The following STMN2 variants were observed in gnomAD, a reference collection of about 807,000 sequenced individuals.
STMN2 encodes stathmin-2.
A neutral mutation model predicts 24.1 loss-of-function variants in STMN2; 2 were observed. The ratio of observed to expected loss-of-function variants is 0.08; its 90% CI spans 0.03 to 0.26. STMN2 has a LOEUF of 0.26. Among genes scored for constraint, STMN2 ranks in the 10% least tolerant of loss-of-function variants. The probability of loss-of-function intolerance (pLI) is 1.00; values close to 1 mark genes in which losing one functional copy is unlikely to be tolerated. For synonymous variants in STMN2, 83 were observed against 77.5 expected, an observed-to-expected ratio of 1.07 and a Z score of -0.37; for missense variants, 114 against 213.6, an observed-to-expected ratio of 0.53 and a Z score of 2.91.
At chr8:79,641,669 C>CACAT in intron 3 of STMN2, 119 bp downstream of exon 3, 2 of 739,460 alleles carry the variant, frequency 2.7e-6, no homozygotes, top group Non-Finnish European at 4.1e-6. Flanking sequence ...CACACACACA[C>CACAT]ACATACAGAG....
At chr8:79,635,451 T>G (rs527345305) in intron 1 of STMN2, among the ~76,000 whole-genome samples, 1 of 152,326 alleles carries the variant, frequency 6.6e-6, no homozygotes, top group African/African-American at 2.4e-5. Context: ...AAGACACATG[T>G]GCTTGTATGT....
rs1806586932 is a variant in STMN2, at chr8:79,665,920, C to T, written c.*1046C>T. The T allele has an allele frequency of 6.6e-6, 1 of 152,210 alleles. No individual in the cohort carries two copies. The highest frequency in any genetic ancestry group is 2.4e-5 in the African/African-American group (1 of 41,430). 9.4% of individuals were successfully genotyped at this position (152,210 alleles called of 1,614,324 possible). A position where few individuals can be genotyped will look rare whatever the true frequency, so the allele number is the denominator to read the frequency against. ...CAATCCTGCCTACTAACAACACCAA[C>T]AACAAAACACTCCATCTGTGAAGCT... is the stretch of plus-strand genomic sequence containing the variant. On this transcript the variant is annotated 3_prime_UTR_variant, in exon 5 of 5. Transcript: ENST00000220876.
intron 1 of STMN2, among the ~76,000 whole-genome samples, chr8:79,612,557 CA>C (rs569956244): frequency 8.1e-4 from 124 of 152,312 alleles, no homozygotes; most frequent in African/African-American, 3.0e-3. Flanking sequence ...AGTGGAGACA[CA>C]GGATGACCGG....
At chr8:79,653,029 G>T (rs1478657226) in intron 3 of STMN2, among the ~76,000 whole-genome samples, 1 of 152,016 alleles carries the variant, frequency 6.6e-6, no homozygotes, top group Non-Finnish European at 1.5e-5. Context: ...TATTATTTTT[G>T]TATTGGTTTT....
At chr8:79,636,630 T>G (rs1809965924) in intron 1 of STMN2, among the ~76,000 whole-genome samples, 172 bp from the exon 2 acceptor site, 1 of 152,240 alleles carries the variant, frequency 6.6e-6, no homozygotes. Context: ...AACATGCACT[T>G]CAGAATTCTG....
rs1585908780 is a variant in STMN2, at chr8:79,654,720, T to C, written c.289-151T>C. The C allele has an allele frequency of 3.6e-6, 3 of 827,774 alleles. No individual in the cohort carries two copies. In the Admixed American group the frequency reaches 8.8e-5, roughly 24 times the overall value. 51.3% of individuals were successfully genotyped at this position (827,774 alleles called of 1,614,324 possible). A position where few individuals can be genotyped will look rare whatever the true frequency, so the allele number is the denominator to read the frequency against. ...ACTAGCCACATTCTATAGAAAACTCTAAGCCATGCAGATGAGTACAGACTT... is the reference window on the plus strand; with the variant it reads ...ACTAGCCACATTCTATAGAAAACTCCAAGCCATGCAGATGAGTACAGACTT... On this transcript the variant is annotated intron_variant, in intron 3 of 4. Coordinates refer to ENST00000220876, the MANE Select transcript of STMN2 (RefSeq NM_007029.4).
At chr8:79,638,683 A>G (rs1463189413) in intron 2 of STMN2, among the ~76,000 whole-genome samples, 1 of 152,206 alleles carries the variant, frequency 6.6e-6, no homozygotes, top group Non-Finnish European at 1.5e-5. Flanking sequence ...CAACCACCTT[A>G]GAAGGAAGGT....
chr8:79,636,631 C>T (rs1188190955), intron 1 of STMN2, among the ~76,000 whole-genome samples, 171 bp from the exon 2 acceptor site: 1 of 152,202 alleles, frequency 6.6e-6, no homozygotes, highest in African/African-American at 2.4e-5. Context: ...ACATGCACTT[C>T]AGAATTCTGT....
intron 4 of STMN2, among the ~76,000 whole-genome samples, chr8:79,655,502 A>G (rs1291220489): frequency 1.3e-5 from 2 of 152,206 alleles, no homozygotes; most frequent in Admixed American, 6.5e-5. Flanking sequence ...TTAGAAAAAT[A>G]TATTTGCCAG....
chr8:79,623,218 T>G (rs547620759), intron 1 of STMN2, among the ~76,000 whole-genome samples: 21 of 152,320 alleles, frequency 1.4e-4, no homozygotes, highest in African/African-American at 5.1e-4. Flanking sequence ...TTAGCACTAT[T>G]CTCTCAGCCA....
chr8:79,640,852 T>C (rs1810080528), intron 2 of STMN2, among the ~76,000 whole-genome samples: 1 of 152,212 alleles, frequency 6.6e-6, no homozygotes, highest in African/African-American at 2.4e-5. Context: ...ACGAAGCTCC[T>C]GTGATTCCTA....
intron 1 of STMN2, among the ~76,000 whole-genome samples, chr8:79,629,745 G>T (rs1201259416): frequency 1.3e-5 from 2 of 152,076 alleles, no homozygotes; most frequent in East Asian, 3.8e-4. Context: ...ACTGCCTTAA[G>T]TACAATTTGT....
At chr8:79,663,773 T>C (rs1422527593) in intron 4 of STMN2, 8 of 834,456 alleles carry the variant, frequency 9.6e-6, no homozygotes, top group Non-Finnish European at 1.4e-5. Flanking sequence ...ACAGTTTGAT[T>C]TTAGTCATCT....
Position 79,613,661 on chromosome 8 carries a change from G to C in STMN2, c.19+2447G>C, listed in dbSNP as rs117014289. On this transcript the variant is annotated intron_variant, in intron 1 of 4. Coordinates refer to ENST00000220876, the MANE Select transcript of STMN2 (RefSeq NM_007029.4). The stretch of plus-strand genomic sequence containing the variant: ...TCAGTAGCCTTGTTTGTTCTCATTT[G>C]TTCAAAAGGGACGTGGATTGCTCTT... 5.1e-6 allele frequency: 5 copies of C among 985,408 alleles called. No individual in the cohort carries two copies. In the South Asian group the frequency reaches 2.3e-4, roughly 46 times the overall value. The allele number at this position is 985,408 out of a possible 1,614,324, so 61.0% of individuals were successfully genotyped here. A position where few individuals can be genotyped will look rare whatever the true frequency, so the allele number is the denominator to read the frequency against.
chr8:79,621,827 G>T (rs1419342097), intron 1 of STMN2, among the ~76,000 whole-genome samples: 1 of 152,040 alleles, frequency 6.6e-6, no homozygotes, highest in Non-Finnish European at 1.5e-5. Flanking sequence ...CCCCTTTCTT[G>T]GCACCACCTT....
intron 4 of STMN2, among the ~76,000 whole-genome samples, chr8:79,661,700 C>G (rs1806505339): frequency 6.6e-6 from 1 of 152,012 alleles, no homozygotes; most frequent in Non-Finnish European, 1.5e-5. Context: ...TCTAAGGAAC[C>G]TGGTCTTTAG....
chr8:79,635,774 T>A, intron 1 of STMN2, among the ~76,000 whole-genome samples: 1 of 151,034 alleles, frequency 6.6e-6, no homozygotes. Flanking sequence ...AGGAGAGAGG[T>A]TTGTAAAACT....
At chr8:79,615,281 G>C (rs1809357559) in intron 1 of STMN2, among the ~76,000 whole-genome samples, 1 of 152,150 alleles carries the variant, frequency 6.6e-6, no homozygotes, top group Admixed American at 6.5e-5. Flanking sequence ...ACATGCTCAG[G>C]CTACCTTGGT....
chr8:79,651,202 T>TA (rs1429718959), intron 3 of STMN2, among the ~76,000 whole-genome samples: 1 of 152,220 alleles, frequency 6.6e-6, no homozygotes, highest in East Asian at 1.9e-4. Context: ...CAGCCTGGCC[T>TA]AGTTTGGCAG....
Sources: gnomAD v4.1 joint callset for allele counts (sites outside exome capture counted in the v4.1 genomes callset) on GRCh38, gnomAD v4.1.1 for gene constraint, MANE v1.5 for transcripts, NCBI Gene and HGNC (gene_info 2026-07-23, HGNC 2026-07-21) for gene names.